PRKG1: variants seen among roughly 807,000 people sequenced by gnomAD.
PRKG1 encodes the protein cGMP-dependent protein kinase 1.
PRKG1 carries 35 observed loss-of-function variants against 88.1 expected under a neutral mutation model. The observed-to-expected ratio is 0.40, with a 90% CI of 0.30 to 0.53. The LOEUF is 0.53. Ranked by LOEUF, PRKG1 falls within the 20% of genes least tolerant of loss-of-function variation. The probability of loss-of-function intolerance (pLI) is 0.59; values close to 1 mark genes in which losing one functional copy is unlikely to be tolerated. For synonymous variants in PRKG1, 303 were observed against 292.5 expected (o/e 1.04, Z -0.37); for missense variants, 540 against 839.8 (o/e 0.64, Z 4.41).
At chr10:51,478,744 G>A (rs200549664) in intron 3 of PRKG1, among the ~76,000 whole-genome samples, 3 of 149,214 alleles carry the variant, frequency 2.0e-5, no homozygotes, top group South Asian at 4.2e-4. Flanking sequence ...GTGAGATACT[G>A]AAAAAAAAAA....
chr10:51,488,478 A>G (rs1343430912), intron 3 of PRKG1, among the ~76,000 whole-genome samples: 1 of 152,162 alleles, frequency 6.6e-6, no homozygotes, highest in Non-Finnish European at 1.5e-5. Flanking sequence ...TTCTGAATAT[A>G]ATTGGAATGG....
intron 7 of PRKG1, among the ~76,000 whole-genome samples, chr10:52,112,126 C>T (rs1847579362): frequency 6.6e-6 from 1 of 152,104 alleles, no homozygotes; most frequent in African/African-American, 2.4e-5. Flanking sequence ...AATAATCTTC[C>T]TTCTATCACT....
In PRKG1 at chr10:51,945,276, A is replaced by G. The variant is rs535044598; in HGVS notation, c.762+37706A>G. ...TGTTTTATCAGAGACTAGGATTGCA[A>G]CCCCAGCCTTTTTTTGTTTTCCATT... is the stretch of plus-strand genomic sequence containing the variant. On this transcript the variant is annotated intron_variant, in intron 5 of 17. Coordinates refer to ENST00000373980, the MANE Select transcript of PRKG1 (RefSeq NM_006258.4). Among the ~76,000 whole-genome samples, 10 of 150,308 alleles carry G rather than the reference A, an allele frequency of 6.7e-5. No individual in the cohort carries two copies. In the East Asian group the frequency reaches 1.8e-3, roughly 27 times the overall value.
chr10:51,084,966 G>C (rs990532933), intron 1 of PRKG1, among the ~76,000 whole-genome samples: 1 of 152,170 alleles, frequency 6.6e-6, no homozygotes, highest in Non-Finnish European at 1.5e-5. Flanking sequence ...ATATCTTCTG[G>C]ATATACTGTA....
chr10:51,078,580 ATATT>A (rs886580498), intron 1 of PRKG1, among the ~76,000 whole-genome samples: 23 of 132,120 alleles, frequency 1.7e-4, no homozygotes, highest in African/African-American at 4.1e-4. Context: ...GAGGATAAAA[ATATT>A]TATTTATATT....
intron 5 of PRKG1, among the ~76,000 whole-genome samples, chr10:51,980,037 GT>G (rs1486023478): frequency 6.6e-6 from 1 of 151,948 alleles, no homozygotes; most frequent in Non-Finnish European, 1.5e-5. Context: ...GGGTTGCTTT[GT>G]TCTTGCTTCT....
intron 5 of PRKG1, among the ~76,000 whole-genome samples, chr10:52,049,771 G>C (rs1340987704): frequency 6.6e-6 from 1 of 152,056 alleles, no homozygotes; most frequent in Admixed American, 6.6e-5. Context: ...CAATATTAAT[G>C]ATGGGGATTA....
At chr10:52,101,151 T>C (rs908597156) in intron 7 of PRKG1, among the ~76,000 whole-genome samples, 1 of 152,126 alleles carries the variant, frequency 6.6e-6, no homozygotes, top group Non-Finnish European at 1.5e-5. Context: ...ATAATACTTC[T>C]GAAAAAAAAT....
chr10:51,595,412 T>G (rs1335546171), intron 3 of PRKG1, among the ~76,000 whole-genome samples: 1 of 152,114 alleles, frequency 6.6e-6, no homozygotes, highest in Non-Finnish European at 1.5e-5. Flanking sequence ...GCAGATCACT[T>G]GAGGTCAGGA....
intron 9 of PRKG1, among the ~76,000 whole-genome samples, chr10:52,215,499 A>G (rs1310186458): frequency 6.6e-6 from 1 of 152,234 alleles, no homozygotes; most frequent in African/African-American, 2.4e-5. Flanking sequence ...ACAAGAAAAT[A>G]AAAGTATTTT....
At chr10:51,446,355 G>A (rs1379006591) in intron 2 of PRKG1, among the ~76,000 whole-genome samples, 3 of 151,900 alleles carry the variant, frequency 2.0e-5, no homozygotes, top group East Asian at 1.9e-4. Flanking sequence ...GAAGCTCAGA[G>A]TGTGTGTTTT....
intron 3 of PRKG1, among the ~76,000 whole-genome samples, chr10:51,768,025 A>C (rs1838212944): frequency 6.7e-6 from 1 of 148,794 alleles, no homozygotes; most frequent in Middle Eastern, 3.4e-3. Flanking sequence ...AAAAATAAAT[A>C]AATAAAAAAA....
At chr10:51,630,532 T>A (rs1394401703) in intron 3 of PRKG1, among the ~76,000 whole-genome samples, 1 of 152,216 alleles carries the variant, frequency 6.6e-6, no homozygotes, top group Admixed American at 6.5e-5. Context: ...GCTGTGCTGT[T>A]GGTTGGCAAC....
chr10:51,160,427 T>A (rs1005925116), intron 2 of PRKG1, among the ~76,000 whole-genome samples: 1 of 152,190 alleles, frequency 6.6e-6, no homozygotes, highest in Non-Finnish European at 1.5e-5. Flanking sequence ...TGTTCAGTAA[T>A]TTCTCTAGTG....
chr10:52,243,118 A>T (rs889931769), intron 9 of PRKG1, among the ~76,000 whole-genome samples: 1 of 152,116 alleles, frequency 6.6e-6, no homozygotes, highest in African/African-American at 2.4e-5. Context: ...GTACCTGTGG[A>T]CTTTCATTTT....
chr10:51,561,469 G>A (rs566328801), intron 3 of PRKG1, among the ~76,000 whole-genome samples: 1 of 152,236 alleles, frequency 6.6e-6, no homozygotes, highest in South Asian at 2.1e-4. Context: ...TGTGTCAGGT[G>A]TTTTGCAAAG....
At chr10:51,258,350 C>A (rs563529442) in intron 2 of PRKG1, among the ~76,000 whole-genome samples, 3 of 152,108 alleles carry the variant, frequency 2.0e-5, no homozygotes, top group Non-Finnish European at 4.4e-5. Flanking sequence ...CATGTGATTT[C>A]GACATTTTAA....
intron 3 of PRKG1, among the ~76,000 whole-genome samples, chr10:51,728,965 C>A (rs961535027): frequency 6.6e-6 from 1 of 152,146 alleles, no homozygotes; most frequent in Non-Finnish European, 1.5e-5. Context: ...CATTTTATTT[C>A]TTTCTGAAAC....
At chr10:51,807,453 G>A (rs901257308) in intron 4 of PRKG1, among the ~76,000 whole-genome samples, 1 of 152,178 alleles carries the variant, frequency 6.6e-6, no homozygotes, top group Admixed American at 6.5e-5. Flanking sequence ...CAAGAGAAAA[G>A]CATTACAGAT....
Sources: gnomAD v4.1 joint callset for allele counts (sites outside exome capture counted in the v4.1 genomes callset) on GRCh38, gnomAD v4.1.1 for gene constraint, MANE v1.5 for transcripts, NCBI Gene and HGNC (gene_info 2026-07-23, HGNC 2026-07-21) for gene names.